Variants in GNPDA1 observed in about 807,000 individuals in gnomAD.
GNPDA1 encodes the protein glucosamine-6-phosphate deaminase 1, also known as GNPDA 1.
GNPDA1 carries 24 observed loss-of-function variants against 28.5 expected under a neutral mutation model. The observed-to-expected ratio is 0.84, with a 90% CI of 0.61 to 1.19. GNPDA1 has a LOEUF of 1.19. GNPDA1 is among the 50% of genes most tolerant of loss of function. GNPDA1 has a pLI of 0.00. For missense variants in GNPDA1, 264 were observed against 367.3 expected (o/e 0.72, Z 2.30); for synonymous variants, 147 against 139.3 (o/e 1.06, Z -0.39).
At position 142,011,997 on chromosome 5, in the gene GNPDA1, G is replaced by A. The variant is rs750628261; in HGVS notation, c.39C>T (p.Ser13=). ...TCCTGATGTATTTAGCCGCCCACTC[G>A]CTCGCCTGAGAATAGTGCTCCAGGA... The part of the protein sequence containing the change: ...LIILEHYSQA[S]EWAAKYIRNR... The change falls in exon 2 of 7, where the codon AGC becomes AGT. Residue 13 remains serine, a synonymous_variant. Coordinates refer to ENST00000311337, the MANE Select transcript of GNPDA1 (RefSeq NM_005471.5). The A allele has an allele frequency of 2.5e-6, 4 of 1,611,926 alleles. No individual in the cohort carries two copies. The highest frequency in any genetic ancestry group is 3.4e-6 in the Non-Finnish European group (4 of 1,178,222).
intron 4 of GNPDA1, 81 bp from the exon 5 acceptor site, chr5:142,005,197 T>C: frequency 1.8e-6 from 2 of 1,119,926 alleles, no homozygotes; most frequent in Non-Finnish European, 2.6e-6. Context: ...CTTCCCTAAC[T>C]AGGGTCTGAA....
At chr5:142,004,077 A>ACT (rs2127089501) in intron 5 of GNPDA1, among the ~76,000 whole-genome samples, 1 of 152,304 alleles carries the variant, frequency 6.6e-6, no homozygotes, top group South Asian at 2.1e-4. Flanking sequence ...AACTCTTTAG[A>ACT]AAAGATAATT....
intron 5 of GNPDA1, among the ~76,000 whole-genome samples, chr5:142,004,135 G>A (rs149707052): frequency 3.1e-4 from 47 of 152,254 alleles, no homozygotes; most frequent in African/African-American, 1.0e-3. Context: ...ATGCCCTCAT[G>A]ATAAAGACGG....
chr5:142,011,985 A>G lies in GNPDA1; in HGVS notation c.51T>C (p.Ala17=). The G allele has an allele frequency of 6.2e-7, 1 of 1,612,830 alleles. No individual in the cohort carries two copies. Among genetic ancestry groups the G allele is most frequent in the Non-Finnish European group, 8.5e-7 (1 of 1,178,918 alleles). ...EHYSQASEWA[A]KYIRNRIIQF... ...GGATGATGCGGTTCCTGATGTATTT[A>G]GCCGCCCACTCGCTCGCCTGAGAAT... Residue 17 remains alanine, a synonymous_variant, in exon 2 of 7, where the codon GCT becomes GCC. Coordinates refer to ENST00000311337, the MANE Select transcript of GNPDA1 (RefSeq NM_005471.5).
At position 142,006,103 on chromosome 5, in the gene GNPDA1, G is replaced by T. The variant is rs762815820; in HGVS notation, c.409+41C>A. The T allele has an allele frequency of 3.9e-6, 6 of 1,541,322 alleles. No homozygotes were observed. The African/African-American group carries it at 5.4e-5, about 14-fold the overall frequency. On this transcript the variant is annotated intron_variant, in intron 4 of 6. Coordinates refer to ENST00000311337, the MANE Select transcript of GNPDA1 (RefSeq NM_005471.5). Reference sequence around the variant, plus strand: ...TTGTGTCTTGTCCTCCTTCCCACGGGTCTGGCCCTGGACATGTGTGCTGCA... The same window carrying T: ...TTGTGTCTTGTCCTCCTTCCCACGGTTCTGGCCCTGGACATGTGTGCTGCA...
chr5:142,011,680 T>G (rs1389933363), intron 2 of GNPDA1, among the ~76,000 whole-genome samples: 1 of 152,204 alleles, frequency 6.6e-6, no homozygotes, highest in Non-Finnish European at 1.5e-5. Context: ...AAATTCTTCC[T>G]GCCAACCAAG....
rs1364139038 is a variant in GNPDA1, at chr5:142,005,073, G to T, written c.453C>A (p.Ser151=). ...TCACACGGGTCCTGGACACCAGACTGGAGCCTGGCTCGTTGAAGGCAATGT... is the reference window on the plus strand; with the variant it reads ...TCACACGGGTCCTGGACACCAGACTTGAGCCTGGCTCGTTGAAGGCAATGT... The part of the protein sequence containing the change: ...DGHIAFNEPG[S]SLVSRTRVKT... The change falls in exon 5 of 7, where the codon TCC becomes TCA. Residue 151 remains serine (S), a synonymous_variant. Transcript: ENST00000311337. The T allele has an allele frequency of 6.2e-7, 1 of 1,612,102 alleles. No homozygotes were observed. Among genetic ancestry groups the T allele is most frequent in the Non-Finnish European group, 8.5e-7 (1 of 1,178,332 alleles).
chr5:142,009,171 C>T (rs1755878976), intron 2 of GNPDA1, among the ~76,000 whole-genome samples: 1 of 151,968 alleles, frequency 6.6e-6, no homozygotes, highest in East Asian at 1.9e-4. Flanking sequence ...TTTTTTTCCT[C>T]TTTTTTGAAT....
At chr5:142,011,309 A>G (rs932951053) in intron 2 of GNPDA1, among the ~76,000 whole-genome samples, 4 of 151,376 alleles carry the variant, frequency 2.6e-5, no homozygotes, top group African/African-American at 9.7e-5. Flanking sequence ...TAGACACGCT[A>G]ATGGATGGGT....
At position 142,003,505 on chromosome 5, in the gene GNPDA1, GT is replaced by G. The variant is rs952951400; in HGVS notation, c.595-244del. ...GCCCAGGGTCATTTATGACCCCAAAGTTCATGTTCTTGACTACCACGTGACA... is the reference window on the plus strand; with the variant it reads ...GCCCAGGGTCATTTATGACCCCAAAGTCATGTTCTTGACTACCACGTGACA... On this transcript the variant is annotated intron_variant, in intron 5 of 6. Transcript: ENST00000311337. This position sits in a 1 kb window ranked among gnomAD's most constrained non-coding sequence, Gnocchi z 4.0. Among the ~76,000 whole-genome samples, 1 of 152,168 alleles carries G rather than the reference GT, an allele frequency of 6.6e-6. No individual in the cohort carries two copies. Among genetic ancestry groups the G allele is most frequent in the African/African-American group, 2.4e-5 (1 of 41,444 alleles).
chr5:142,010,834 AG>A (rs1220892657), intron 2 of GNPDA1, among the ~76,000 whole-genome samples: 1 of 151,872 alleles, frequency 6.6e-6, no homozygotes, highest in East Asian at 1.9e-4. Flanking sequence ...ATTTTTAAAT[AG>A]TTTTTTTTTT....
At position 142,001,163 on chromosome 5, in the gene GNPDA1, C is replaced by T. The variant is rs252120; in HGVS notation, c.*866G>A. 134,224 of 152,360 alleles carry T rather than the reference C, an allele frequency of 0.88. 59,363 individuals carry two copies. Among genetic ancestry groups the T allele is most frequent in the East Asian group, 0.98 (5,204 of 5,316 alleles). 9.4% of individuals were successfully genotyped at this position (152,360 alleles called of 1,614,324 possible). ...ACTAAACTCACACTTAAGCTGCCTG[C>T]CCAGACCGTCCCCTTGGCTGAACAC... On this transcript the variant is annotated 3_prime_UTR_variant, in exon 7 of 7. Coordinates refer to ENST00000311337, the MANE Select transcript of GNPDA1 (RefSeq NM_005471.5).
chr5:142,006,744 C>T (rs1208785780), intron 3 of GNPDA1, among the ~76,000 whole-genome samples: 1 of 152,168 alleles, frequency 6.6e-6, no homozygotes, highest in African/African-American at 2.4e-5. Flanking sequence ...CCCAGTTCTA[C>T]CCCACTCAGC....
chr5:142,002,901 C>G (rs1755710593), intron 6 of GNPDA1, among the ~76,000 whole-genome samples, 187 bp downstream of exon 6: 5 of 152,200 alleles, frequency 3.3e-5, no homozygotes, highest in African/African-American at 1.2e-4. Context: ...AAACAGATCT[C>G]CAGAAATGGA....
In GNPDA1 at chr5:142,003,222, A is replaced by G. The variant is rs777733328; in HGVS notation, c.635T>C (p.Leu212Pro). The change falls in exon 6 of 7, where the codon CTG becomes CCG. Residue 212 changes from leucine to proline, a missense_variant. Leu to Pro is a moderately conservative substitution (Grantham distance 98). Transcript: ENST00000311337. This position sits in a 1 kb window ranked among gnomAD's most constrained non-coding sequence, Gnocchi z 4.0. ...CACTCCCTCCTCGATGGCCTTGTAC[A>G]GAGCAAATGCCTTGTGAGCACCTGT... Reference protein sequence around the residue: ...LITGAHKAFALYKAIEEGVNH... With the variant: ...LITGAHKAFAPYKAIEEGVNH... 1 of 1,613,186 alleles carries G rather than the reference A, an allele frequency of 6.2e-7. No individual in the cohort carries two copies. The highest frequency in any genetic ancestry group is 8.5e-7 in the Non-Finnish European group (1 of 1,179,502).
At chr5:142,010,560 G>T (rs906743524) in intron 2 of GNPDA1, among the ~76,000 whole-genome samples, 2 of 150,076 alleles carry the variant, frequency 1.3e-5, no homozygotes, top group Admixed American at 6.6e-5. Flanking sequence ...ACCTAGGCTG[G>T]AGTGCAATTG....
Position 142,003,510 on chromosome 5 carries a change from T to C in GNPDA1, c.595-248A>G, listed in dbSNP as rs908215107. Reference sequence around the variant, plus strand: ...GGGTCATTTATGACCCCAAAGTTCATGTTCTTGACTACCACGTGACAGTGC... The same window carrying C: ...GGGTCATTTATGACCCCAAAGTTCACGTTCTTGACTACCACGTGACAGTGC... On this transcript the variant is annotated intron_variant, in intron 5 of 6. Transcript: ENST00000311337. The surrounding 1 kb of genome is among the most constrained non-coding windows in gnomAD (Gnocchi z 4.0). 2.0e-5 allele frequency among the ~76,000 whole-genome samples: 3 copies of C among 152,156 alleles called. No individual in the cohort carries two copies. Among genetic ancestry groups the C allele is most frequent in the African/African-American group, 7.2e-5 (3 of 41,426 alleles).
chr5:142,002,772 TAAAAG>T (rs1167690830), intron 6 of GNPDA1, among the ~76,000 whole-genome samples: 2 of 151,786 alleles, frequency 1.3e-5, no homozygotes, highest in East Asian at 1.9e-4. Flanking sequence ...AGAAAGTAAA[TAAAAG>T]AAAGGAATCG....
chr5:142,012,002 C>A lies in GNPDA1; in HGVS notation c.34G>T (p.Ala12Ser). ...KLIILEHYSQ[A>S]SEWAAKYIRN... ...ATGTATTTAGCCGCCCACTCGCTCGCCTGAGAATAGTGCTCCAGGATGATG... is the reference window on the plus strand; with the variant it reads ...ATGTATTTAGCCGCCCACTCGCTCGACTGAGAATAGTGCTCCAGGATGATG... Residue 12 changes from alanine (A) to serine (S), a missense_variant, in exon 2 of 7, where the codon GCG becomes TCG. Transcript: ENST00000311337. The A allele has an allele frequency of 1.2e-6, 2 of 1,610,916 alleles. No individual in the cohort carries two copies. The highest frequency in any genetic ancestry group is 1.7e-6 in the Non-Finnish European group (2 of 1,177,398).
Sources: gnomAD v4.1 joint callset for allele counts (sites outside exome capture counted in the v4.1 genomes callset) on GRCh38, gnomAD v4.1.1 for gene constraint, Gnocchi (gnomAD v3.1) non-coding constraint, MANE v1.5 for transcripts, NCBI Gene and HGNC (gene_info 2026-07-23, HGNC 2026-07-21) for gene names.